Variants in XXYLT1 observed in about 807,000 individuals in gnomAD.
XXYLT1 encodes the protein UDP-xylose:alpha-xyloside alpha-1,3-xylosyltransferase.
A neutral mutation model predicts 28.9 loss-of-function variants in XXYLT1; 20 were observed. The observed-to-expected ratio is 0.69, with a 90% CI of 0.49 to 1.00. XXYLT1 has a LOEUF of 1.00. Ranked by LOEUF, XXYLT1 falls within the 50% of genes least tolerant of loss-of-function variation. The probability of loss-of-function intolerance (pLI) is 0.00; values close to 1 mark genes in which losing one functional copy is unlikely to be tolerated. For synonymous variants in XXYLT1, 257 were observed against 253.8 expected (o/e 1.01, Z -0.12); for missense variants, 542 against 560.1 (o/e 0.97, Z 0.33).
rs1190603704 is a variant in XXYLT1 at position 195,112,569 on chromosome 3, GCA to G, written c.786-42460_786-42459del. Among the ~76,000 whole-genome samples, 4 of 143,416 alleles carry G rather than the reference GCA, an allele frequency of 2.8e-5. No homozygotes were observed. In the South Asian group the frequency reaches 6.7e-4, roughly 24 times the overall value. 94.1% of individuals were successfully genotyped at this position (143,416 alleles called of 152,430 possible). A position where few individuals can be genotyped will look rare whatever the true frequency, so the allele number is the denominator to read the frequency against. On this transcript the variant is annotated intron_variant, in intron 3 of 3. Transcript: ENST00000310380. The stretch of plus-strand genomic sequence containing the variant: ...GGTGGGAACAGCTAGATGAAGCAGT[GCA>G]CACACACGCACGCACACACACACAC...
chr3:195,073,336 C>CAA (rs1423166918), intron 3 of XXYLT1, among the ~76,000 whole-genome samples: 1 of 152,190 alleles, frequency 6.6e-6, no homozygotes, highest in Non-Finnish European at 1.5e-5. Flanking sequence ...CAGACCCCTG[C>CAA]CCTTCTTCAC....
At chr3:195,130,523 G>A (rs1718851187) in intron 3 of XXYLT1, among the ~76,000 whole-genome samples, 1 of 152,236 alleles carries the variant, frequency 6.6e-6, no homozygotes, top group Non-Finnish European at 1.5e-5. Flanking sequence ...GGAGGAAAGA[G>A]GAGAGGTGAT....
At chr3:195,200,546 G>T (rs1722808766) in intron 2 of XXYLT1, among the ~76,000 whole-genome samples, 1 of 152,144 alleles carries the variant, frequency 6.6e-6, no homozygotes, top group African/African-American at 2.4e-5. Flanking sequence ...TGCCTTTCAT[G>T]ACCAACTTGG....
At chr3:195,089,531 A>G (rs914541744) in intron 3 of XXYLT1, among the ~76,000 whole-genome samples, 2 of 152,164 alleles carry the variant, frequency 1.3e-5, no homozygotes, top group Non-Finnish European at 2.9e-5. Context: ...AGGAAGCGCT[A>G]AACATGGAAG....
At chr3:195,197,896 TCCC>T (rs1437096001) in intron 2 of XXYLT1, among the ~76,000 whole-genome samples, 2 of 152,162 alleles carry the variant, frequency 1.3e-5, no homozygotes, top group Non-Finnish European at 2.9e-5. Context: ...GAGGCTTCCT[TCCC>T]AAGGCTAGGG....
At position 195,256,388 on chromosome 3, in the gene XXYLT1, A is replaced by T; in HGVS notation, c.504+14167T>A. ...ACCTGAGACAGCTCTGGTCATTCCAAGTCCCTCGCCCTCATGCTCCGCGCA... is the reference window on the plus strand; with the variant it reads ...ACCTGAGACAGCTCTGGTCATTCCATGTCCCTCGCCCTCATGCTCCGCGCA... On this transcript the variant is annotated intron_variant, in intron 1 of 3. Coordinates refer to ENST00000310380, the MANE Select transcript of XXYLT1 (RefSeq NM_152531.5). This position sits in a 1 kb window ranked among gnomAD's most constrained non-coding sequence, Gnocchi z 4.2. The T allele has an allele frequency of 2.9e-6, 2 of 692,506 alleles. No homozygotes were observed. The highest frequency in any genetic ancestry group is 3.6e-6 in the Non-Finnish European group (2 of 562,672). 42.9% of individuals were successfully genotyped at this position (692,506 alleles called of 1,614,324 possible). A position where few individuals can be genotyped will look rare whatever the true frequency, so the allele number is the denominator to read the frequency against.
At chr3:195,158,751 G>A (rs941850878) in intron 2 of XXYLT1, among the ~76,000 whole-genome samples, 1 of 152,194 alleles carries the variant, frequency 6.6e-6, no homozygotes, top group African/African-American at 2.4e-5. Context: ...ACTGTCCTGC[G>A]GGCACCTGTC....
intron 2 of XXYLT1, among the ~76,000 whole-genome samples, chr3:195,217,719 A>C (rs1018061560): frequency 3.3e-5 from 5 of 151,784 alleles, no homozygotes; most frequent in Non-Finnish European, 5.9e-5. Context: ...AATCAATATC[A>C]TGAAAATAGC....
At chr3:195,100,282 C>T (rs1716703698) in intron 3 of XXYLT1, among the ~76,000 whole-genome samples, 1 of 152,164 alleles carries the variant, frequency 6.6e-6, no homozygotes, top group African/African-American at 2.4e-5. Flanking sequence ...TCTCCTGCCT[C>T]CACACCTAGC....
intron 2 of XXYLT1, among the ~76,000 whole-genome samples, chr3:195,221,593 G>A (rs1397292542): frequency 6.6e-6 from 1 of 152,200 alleles, no homozygotes; most frequent in African/African-American, 2.4e-5. Context: ...TGCTCAGGGA[G>A]AACCCACAAC....
chr3:195,076,522 AT>A lies in XXYLT1; in HGVS notation c.786-6412del, dbSNP rs1232963331. Among the ~76,000 whole-genome samples, 1 of 152,134 alleles carries A rather than the reference AT, an allele frequency of 6.6e-6. No individual in the cohort carries two copies. The highest frequency in any genetic ancestry group is 2.1e-4 in the South Asian group (1 of 4,822). On this transcript the variant is annotated intron_variant, in intron 3 of 3. Coordinates refer to ENST00000310380, the MANE Select transcript of XXYLT1 (RefSeq NM_152531.5). This position sits in a 1 kb window ranked among gnomAD's most constrained non-coding sequence, Gnocchi z 5.3. Reference sequence around the variant, plus strand: ...TGTTACAGCCTGCACAGTGGGCCTCATTTTTACCTAAAGACCACTGGGCTCT... The same window carrying A: ...TGTTACAGCCTGCACAGTGGGCCTCATTTTACCTAAAGACCACTGGGCTCT...
chr3:195,071,350 C>CG (rs1387245276), intron 3 of XXYLT1, among the ~76,000 whole-genome samples: 1 of 152,182 alleles, frequency 6.6e-6, no homozygotes, highest in Non-Finnish European at 1.5e-5. Context: ...GCAGAAGGTA[C>CG]GGGGGAATAA....
intron 2 of XXYLT1, chr3:195,175,694 A>T (rs1210881622): frequency 6.5e-7 from 1 of 1,536,126 alleles, no homozygotes; most frequent in South Asian, 1.2e-5. Flanking sequence ...TGGCTGATGG[A>T]CTATGAGCAG....
chr3:195,128,944 T>C (rs944659894), intron 3 of XXYLT1, among the ~76,000 whole-genome samples: 3 of 152,218 alleles, frequency 2.0e-5, no homozygotes, highest in African/African-American at 7.2e-5. Flanking sequence ...AGAACCGTCT[T>C]GTCCCAGTGG....
chr3:195,270,299 C>T (rs954510394), intron 1 of XXYLT1: 6 of 843,284 alleles, frequency 7.1e-6, no homozygotes, highest in South Asian at 2.2e-5. Context: ...CTGGGGGCTG[C>T]GCTTAACTGG....
chr3:195,098,923 G>A (rs373015649), intron 3 of XXYLT1, among the ~76,000 whole-genome samples: 38 of 152,326 alleles, frequency 2.5e-4, no homozygotes, highest in African/African-American at 5.1e-4. Flanking sequence ...AGCCCTGAGC[G>A]GCCCTGTTGA....
chr3:195,076,498 G>C lies in XXYLT1; in HGVS notation c.786-6387C>G, dbSNP rs1017046048. ...CCAAGCATTCTGGAGAGTTGCCCCT[G>C]TTACAGCCTGCACAGTGGGCCTCAT... On this transcript the variant is annotated intron_variant, in intron 3 of 3. Transcript: ENST00000310380. The surrounding 1 kb of genome is among the most constrained non-coding windows in gnomAD (Gnocchi z 5.3). Among the ~76,000 whole-genome samples the C allele has an allele frequency of 2.6e-5, 4 of 152,180 alleles. No individual in the cohort carries two copies. The highest frequency in any genetic ancestry group is 9.7e-5 in the African/African-American group (4 of 41,448).
chr3:195,192,426 AG>A (rs1722464444), intron 2 of XXYLT1, among the ~76,000 whole-genome samples: 2 of 151,970 alleles, frequency 1.3e-5, no homozygotes, highest in Admixed American at 6.6e-5. Flanking sequence ...CTCTGTCTCA[AG>A]AAAAAAAAAA....
Position 195,124,004 on chromosome 3 carries a change from G to C in XXYLT1, c.785+32445C>G, listed in dbSNP as rs1718495049. The stretch of plus-strand genomic sequence containing the variant: ...AGCTAACGCTCAACAAAGCTAGACA[G>C]GACTGTGTACTTCAGGACTTCTAGG... On this transcript the variant is annotated intron_variant, in intron 3 of 3. Coordinates refer to ENST00000310380, the MANE Select transcript of XXYLT1 (RefSeq NM_152531.5). The surrounding 1 kb of genome is among the most constrained non-coding windows in gnomAD (Gnocchi z 4.1). Among the ~76,000 whole-genome samples the C allele has an allele frequency of 6.6e-6, 1 of 152,248 alleles. No homozygotes were observed. The highest frequency in any genetic ancestry group is 1.5e-5 in the Non-Finnish European group (1 of 68,044).
Sources: gnomAD v4.1 joint callset for allele counts (sites outside exome capture counted in the v4.1 genomes callset) on GRCh38, gnomAD v4.1.1 for gene constraint, Gnocchi (gnomAD v3.1) non-coding constraint, MANE v1.5 for transcripts, NCBI Gene and HGNC (gene_info 2026-07-23, HGNC 2026-07-21) for gene names.